CNTRL: variants seen among roughly 807,000 people sequenced by gnomAD.
CNTRL encodes centriolin.
A neutral mutation model predicts 303.7 loss-of-function variants in CNTRL; 233 were observed. The observed-to-expected ratio is 0.77, with a 90% confidence interval of 0.69 to 0.86. CNTRL has a LOEUF of 0.86. CNTRL is among the 40% of genes least tolerant of loss of function. The pLI is 0.00. For synonymous variants in CNTRL, 900 were observed against 922.2 expected, an observed-to-expected ratio of 0.98 and a Z score of 0.44; for missense variants, 2,524 against 2,650.6, an observed-to-expected ratio of 0.95 and a Z score of 1.05.
Position 121,142,585 on chromosome 9 carries a change from G to A in CNTRL, c.2871+315G>A, listed in dbSNP as rs898388299. Among the ~76,000 whole-genome samples the A allele has an allele frequency of 2.0e-5, 3 of 152,196 alleles. No individual in the cohort carries two copies. The South Asian group carries it at 6.2e-4, about 31-fold the overall frequency. On this transcript the variant is annotated intron_variant, in intron 19 of 43. Transcript: ENST00000373855. ...CTCTTGTCCAGTTGGATACATCCAT[G>A]GGAAATTACTTTTAAACTCCTCATC... is the stretch of plus-strand genomic sequence containing the variant.
At chr9:121,093,826 G>T (rs913266788) in intron 4 of CNTRL, among the ~76,000 whole-genome samples, 5 of 152,186 alleles carry the variant, frequency 3.3e-5, no homozygotes, top group African/African-American at 1.2e-4. Flanking sequence ...CCAGGAGGGA[G>T]AAAGAGGTTG....
At chr9:121,163,670 A>G (rs973161680) in intron 34 of CNTRL, among the ~76,000 whole-genome samples, 9 of 152,202 alleles carry the variant, frequency 5.9e-5, no homozygotes, top group Non-Finnish European at 1.2e-4. Flanking sequence ...CAATAAGAAG[A>G]CAACCCAGTT....
chr9:121,090,175 G>C, intron 3 of CNTRL, 100 bp from the exon 4 acceptor site: 1 of 986,204 alleles, frequency 1.0e-6, no homozygotes, highest in South Asian at 2.3e-5. Context: ...GTATATTCAT[G>C]GCTTAATTTT....
chr9:121,153,286 A>G (rs994446467), intron 26 of CNTRL, among the ~76,000 whole-genome samples: 2 of 152,156 alleles, frequency 1.3e-5, no homozygotes, highest in Admixed American at 1.3e-4. Context: ...CAGTCCCATC[A>G]GAATATACAC....
intron 11 of CNTRL, 36 bp from the exon 12 acceptor site, chr9:121,118,310 C>T: frequency 2.1e-6 from 3 of 1,412,162 alleles, no homozygotes; most frequent in Non-Finnish European, 1.9e-6. Flanking sequence ...TGTTGTTCTT[C>T]TCTGTTAATT....
At chr9:121,145,486 C>A in intron 22 of CNTRL, 101 bp downstream of exon 22, 1 of 1,192,136 alleles carries the variant, frequency 8.4e-7, no homozygotes, top group Non-Finnish European at 1.2e-6. Flanking sequence ...CAAGTCCATG[C>A]TTGATTCAGA....
intron 14 of CNTRL, among the ~76,000 whole-genome samples, chr9:121,133,374 C>G (rs896764989): frequency 1.3e-5 from 2 of 152,268 alleles, no homozygotes; most frequent in African/African-American, 4.8e-5. Context: ...CCCTGCCAGG[C>G]TGCTGCCTCC....
chr9:121,134,230 G>A (rs75622460), intron 14 of CNTRL, among the ~76,000 whole-genome samples: 2,885 of 151,278 alleles, frequency 0.019, 94 homozygotes, highest in African/African-American at 0.066. Flanking sequence ...GCATCACTAC[G>A]ATATCATTAT....
At chr9:121,087,159 C>T (rs939400740) in intron 2 of CNTRL, among the ~76,000 whole-genome samples, 6 of 151,986 alleles carry the variant, frequency 3.9e-5, no homozygotes, top group Admixed American at 6.6e-5. Context: ...CAGGATTTAG[C>T]GATTGACTGA....
rs751106661 is a variant in CNTRL, at chr9:121,173,330, A to G, written c.6505A>G (p.Arg2169Gly). ...TAAATCTGAGGTGAAGGATGAAATC[A>G]GAACCAGCTTGAAGAATCTTAATCA... is the stretch of plus-strand genomic sequence containing the variant. Reference protein sequence around the residue: ...TLKSEVKDEIRTSLKNLNQFL... With the variant: ...TLKSEVKDEIGTSLKNLNQFL... The change falls in exon 41 of 44, where the codon AGA becomes GGA. Residue 2169 changes from arginine (R) to glycine (G), a missense_variant. By Grantham distance (125) the Arg-to-Gly change is moderately radical. Transcript: ENST00000373855. 6.2e-7 allele frequency: 1 copy of G among 1,614,210 alleles called. No individual in the cohort carries two copies. Among genetic ancestry groups the G allele is most frequent in the Non-Finnish European group, 8.5e-7 (1 of 1,180,022 alleles).
chr9:121,177,064 AAT>A, intron 43 of CNTRL, 97 bp from the exon 44 acceptor site: 1 of 964,312 alleles, frequency 1.0e-6, no homozygotes, highest in East Asian at 2.5e-5. Context: ...GAGGTACTCA[AAT>A]ATGTCATTTA....
chr9:121,084,983 T>G (rs1179334754), intron 2 of CNTRL, among the ~76,000 whole-genome samples: 2 of 152,238 alleles, frequency 1.3e-5, no homozygotes, highest in African/African-American at 4.8e-5. Context: ...GACCAAGGTC[T>G]CTTTCATTAA....
chr9:121,115,763 T>C (rs369812710), intron 11 of CNTRL, among the ~76,000 whole-genome samples: 69 of 152,362 alleles, frequency 4.5e-4, no homozygotes, highest in African/African-American at 1.2e-3. Flanking sequence ...AAAAAGGTTT[T>C]AGTTATTTGT....
At chr9:121,149,973 G>A (rs2052124848) in intron 24 of CNTRL, among the ~76,000 whole-genome samples, 197 bp from the exon 25 acceptor site, 1 of 152,150 alleles carries the variant, frequency 6.6e-6, no homozygotes, top group Non-Finnish European at 1.5e-5. Flanking sequence ...TCAAGTATCA[G>A]CCATAGAAAA....
intron 2 of CNTRL, among the ~76,000 whole-genome samples, chr9:121,082,341 G>C (rs1366541838): frequency 6.6e-6 from 1 of 152,168 alleles, no homozygotes; most frequent in African/African-American, 2.4e-5. Context: ...CTGAGACTCA[G>C]CTATTACAAA....
At chr9:121,152,431 G>C in intron 25 of CNTRL, 54 bp from the exon 26 acceptor site, 3 of 1,437,234 alleles carry the variant, frequency 2.1e-6, no homozygotes, top group South Asian at 2.3e-5. Flanking sequence ...GCAGGAAAGA[G>C]AGGAAACATC....
At position 121,158,635 on chromosome 9, in the gene CNTRL, G is replaced by A; in HGVS notation, c.4765-220G>A. 4 of 484,362 alleles carry A rather than the reference G, an allele frequency of 8.3e-6. No individual in the cohort carries two copies. In the South Asian group the frequency reaches 1.4e-4, roughly 17 times the overall value. The allele number at this position is 484,362 out of a possible 1,614,324, so 30.0% of individuals were successfully genotyped here. A position where few individuals can be genotyped will look rare whatever the true frequency, so the allele number is the denominator to read the frequency against. ...GAGGGATGATCATGATTATCATATT[G>A]TTGTTCTTACTGTGATCACTGTGAT... On this transcript the variant is annotated intron_variant, in intron 30 of 43. Coordinates refer to ENST00000373855, the MANE Select transcript of CNTRL (RefSeq NM_007018.6).
chr9:121,090,380 C>G lies in CNTRL; in HGVS notation c.323C>G (p.Ser108Cys). 6.2e-7 allele frequency: 1 copy of G among 1,611,218 alleles called. No homozygotes were observed. Among genetic ancestry groups the G allele is most frequent in the Non-Finnish European group, 8.5e-7 (1 of 1,179,016 alleles). ...ALIKSLNLSL[S>C]KDGGKKFKYI... is the part of the protein sequence containing the mutation. The stretch of plus-strand genomic sequence containing the variant: ...ATAAAATCTCTGAACCTTTCACTTT[C>G]TAAAGACGGTGGCAAGAAATTTAAG... Residue 108 changes from serine (S) to cysteine (C), a missense_variant, in exon 4 of 44, where the codon TCT becomes TGT. Ser to Cys is a moderately radical substitution (Grantham distance 112). Transcript: ENST00000373855.
At chr9:121,143,273 AAT>A (rs2051626472) in intron 19 of CNTRL, among the ~76,000 whole-genome samples, 1 of 152,092 alleles carries the variant, frequency 6.6e-6, no homozygotes, top group Non-Finnish European at 1.5e-5. Flanking sequence ...ATGTATCTGG[AAT>A]ATATGTCCTT....
Sources: allele counts gnomAD v4.1 joint callset (sites outside exome capture counted in the v4.1 genomes callset), GRCh38; gene constraint gnomAD v4.1.1; transcripts MANE v1.5; gene names NCBI Gene and HGNC (gene_info 2026-07-23, HGNC 2026-07-21).